The following FAM107B variants were observed in gnomAD, a reference collection of about 807,000 sequenced individuals.
The protein encoded by FAM107B is protein FAM107B.
Under a neutral mutation model 31.5 loss-of-function variants are expected in FAM107B, and 21 were observed. The observed-to-expected ratio is 0.67, with a 90% CI of 0.47 to 0.96. The LOEUF is 0.96. Among genes scored for constraint, FAM107B ranks in the 40% least tolerant of loss-of-function variants. The pLI is 0.00. For synonymous variants in FAM107B, 157 were observed against 141.5 expected, an observed-to-expected ratio of 1.11 and a Z score of -0.78; for missense variants, 452 against 377.1, an observed-to-expected ratio of 1.20 and a Z score of -1.64.
At chr10:14,533,436 T>C (rs560309691) in intron 2 of FAM107B, among the ~76,000 whole-genome samples, 1 of 152,068 alleles carries the variant, frequency 6.6e-6, no homozygotes, top group Non-Finnish European at 1.5e-5. Flanking sequence ...CTAGGACGTG[T>C]CGAGTCTGAG....
rs888605525 is a variant in FAM107B at position 14,763,763 on chromosome 10, C to A, written c.411+10490G>T. 2.6e-5 allele frequency among the ~76,000 whole-genome samples: 4 copies of A among 152,158 alleles called. 1 individual carries two copies. Among genetic ancestry groups the A allele is most frequent in the Non-Finnish European group, 5.9e-5 (4 of 68,034 alleles). On this transcript the variant is annotated intron_variant, in intron 1 of 4. Coordinates refer to ENST00000181796, the MANE Select transcript of FAM107B (RefSeq NM_031453.4). ...CCTTACTGTCTCAAGTCTGACCCCA[C>A]CTAAAGCATCCAGCTTGGTCAAAAA...
intron 1 of FAM107B, among the ~76,000 whole-genome samples, chr10:14,764,512 T>C (rs1362356638): frequency 6.6e-6 from 1 of 152,208 alleles, no homozygotes; most frequent in Non-Finnish European, 1.5e-5. Context: ...TTCCTCTAAC[T>C]GCCTAAAATT....
intron 1 of FAM107B, among the ~76,000 whole-genome samples, chr10:14,670,033 G>A (rs1275098573): frequency 2.6e-5 from 4 of 152,014 alleles, no homozygotes; most frequent in Non-Finnish European, 4.4e-5. Context: ...AAAATCACAA[G>A]TACCCCATGA....
At chr10:14,548,857 G>A (rs1363667909) in intron 2 of FAM107B, among the ~76,000 whole-genome samples, 2 of 72,614 alleles carry the variant, frequency 2.8e-5, no homozygotes, top group Non-Finnish European at 6.5e-5. Flanking sequence ...CCGACTGAAT[G>A]CTGAGTCCCC....
rs10651238 is a variant in FAM107B, at chr10:14,772,362, A to AAAATAT, written c.411+1890_411+1891insATATTT. Among the ~76,000 whole-genome samples the AAAATAT allele has an allele frequency of 8.3e-3, 1,204 of 145,572 alleles. 9 individuals are homozygous for AAAATAT. Among genetic ancestry groups the AAAATAT allele is most frequent in the Middle Eastern group, 0.042 (12 of 288 alleles). ...GAGCAAGACTCCATCTTAAAAAAAA[A>AAAATAT]ATATATATATATATATATGCACCTC... On this transcript the variant is annotated intron_variant, in intron 1 of 4. Coordinates refer to ENST00000181796, the MANE Select transcript of FAM107B (RefSeq NM_031453.4).
intron 1 of FAM107B, among the ~76,000 whole-genome samples, chr10:14,738,570 TGGGTATC>T (rs1233690392): frequency 2.0e-4 from 30 of 152,174 alleles, no homozygotes; most frequent in Admixed American, 2.0e-3. Context: ...AACCTATTTC[TGGGTATC>T]CTGAAGCGTG....
chr10:14,689,957 C>CA (rs1375350058), intron 1 of FAM107B, among the ~76,000 whole-genome samples: 1 of 126,042 alleles, frequency 7.9e-6, no homozygotes, highest in East Asian at 2.4e-4. Flanking sequence ...GACTCTGCCT[C>CA]AAAAAAAGAA....
intron 2 of FAM107B, among the ~76,000 whole-genome samples, chr10:14,623,940 C>T (rs986894413): frequency 1.3e-5 from 2 of 152,176 alleles, no homozygotes; most frequent in Non-Finnish European, 2.9e-5. Flanking sequence ...TCTTTCTCAA[C>T]GTCAACACTG....
At chr10:14,586,509 G>T (rs756745009) in intron 2 of FAM107B, among the ~76,000 whole-genome samples, 1 of 152,144 alleles carries the variant, frequency 6.6e-6, no homozygotes, top group Non-Finnish European at 1.5e-5. Flanking sequence ...TTAAGTCATA[G>T]AAGTGGAGCC....
intron 1 of FAM107B, among the ~76,000 whole-genome samples, chr10:14,693,968 A>G (rs1483132808): frequency 1.3e-5 from 2 of 152,182 alleles, no homozygotes; most frequent in Non-Finnish European, 2.9e-5. Flanking sequence ...TTGATCATGC[A>G]ATATTTTTCT....
At chr10:14,532,187 T>A (rs2130867402) in intron 2 of FAM107B, among the ~76,000 whole-genome samples, 1 of 152,242 alleles carries the variant, frequency 6.6e-6, no homozygotes, top group South Asian at 2.1e-4. Flanking sequence ...TCTCCTTCCT[T>A]AAGCACCTTG....
At chr10:14,678,844 G>C (rs1386738084) in intron 1 of FAM107B, among the ~76,000 whole-genome samples, 1 of 152,194 alleles carries the variant, frequency 6.6e-6, no homozygotes, top group Non-Finnish European at 1.5e-5. Context: ...GCGTCTCCAG[G>C]CCTCATCACA....
chr10:14,590,900 A>C (rs891089107), intron 2 of FAM107B, among the ~76,000 whole-genome samples: 1 of 150,474 alleles, frequency 6.6e-6, no homozygotes, highest in Non-Finnish European at 1.5e-5. Flanking sequence ...GAGGCAGGAG[A>C]ATCACATGAA....
intron 2 of FAM107B, among the ~76,000 whole-genome samples, chr10:14,555,317 A>C (rs1408276110): frequency 2.0e-5 from 3 of 152,348 alleles, no homozygotes; most frequent in Admixed American, 2.0e-4. Flanking sequence ...ACCTCAAGGA[A>C]AAACATTGAT....
At chr10:14,584,486 A>G (rs1851759519) in intron 2 of FAM107B, among the ~76,000 whole-genome samples, 1 of 152,246 alleles carries the variant, frequency 6.6e-6, no homozygotes, top group South Asian at 2.1e-4. Context: ...ACATGACAAC[A>G]GCCTGTAAGA....
chr10:14,629,431 TATATTATATA>T (rs1853280325), intron 2 of FAM107B, among the ~76,000 whole-genome samples: 2 of 9,502 alleles, frequency 2.1e-4, no homozygotes, highest in African/African-American at 1.5e-3. Flanking sequence ...ATATATAATA[TATATTATATA>T]TATATTATAT....
intron 2 of FAM107B, among the ~76,000 whole-genome samples, chr10:14,631,768 A>G (rs1350939528): frequency 6.6e-6 from 1 of 152,068 alleles, no homozygotes; most frequent in African/African-American, 2.4e-5. Flanking sequence ...ACCCCATGCC[A>G]TGAGCATTCC....
intron 1 of FAM107B, among the ~76,000 whole-genome samples, chr10:14,760,135 T>A (rs1348647774): frequency 2.6e-5 from 4 of 152,222 alleles, no homozygotes; most frequent in African/African-American, 7.2e-5. Context: ...TCCAAGATAA[T>A]TTTTTTCCCT....
intron 3 of FAM107B, 54 bp downstream of exon 3, chr10:14,530,278 T>C (rs1216693491): frequency 2.6e-6 from 4 of 1,510,352 alleles, no homozygotes; most frequent in South Asian, 1.3e-5. Context: ...AAATTAGATA[T>C]CATGATCTTA....
Sources: allele counts gnomAD v4.1 joint callset (sites outside exome capture counted in the v4.1 genomes callset), GRCh38; gene constraint gnomAD v4.1.1; transcripts MANE v1.5; gene names NCBI Gene and HGNC (gene_info 2026-07-23, HGNC 2026-07-21).